PDIA6: variants seen among roughly 807,000 people sequenced by gnomAD.
PDIA6 encodes the protein protein disulfide-isomerase A6.
In PDIA6, 29 loss-of-function variants were observed where a neutral mutation model predicts 58.4. The observed-to-expected ratio is 0.50, with a 90% CI of 0.37 to 0.68. PDIA6 has a LOEUF of 0.68. PDIA6 is among the 30% of genes least tolerant of loss of function. The probability of loss-of-function intolerance (pLI) is 0.00; values close to 1 mark genes in which losing one functional copy is unlikely to be tolerated. For synonymous variants in PDIA6, 192 were observed against 202.6 expected (o/e 0.95, Z 0.44); for missense variants, 480 against 551.0 (o/e 0.87, Z 1.29).
chr2:10,818,602 A>C (rs1411349449), intron 2 of PDIA6, among the ~76,000 whole-genome samples: 2 of 88,268 alleles, frequency 2.3e-5, no homozygotes, highest in African/African-American at 4.0e-5. Flanking sequence ...ACTCACTACA[A>C]CCTCTGCCTC....
chr2:10,817,668 C>G (rs141881847), upstream of PDIA6, among the ~76,000 whole-genome samples: 1 of 152,262 alleles, frequency 6.6e-6, no homozygotes, highest in Non-Finnish European at 1.5e-5. Flanking sequence ...TTCCACCAGG[C>G]GGAATTGTTG....
intron 1 of PDIA6, among the ~76,000 whole-genome samples, chr2:10,804,569 C>G (rs1238373035): frequency 7.7e-6 from 1 of 130,630 alleles, no homozygotes; most frequent in South Asian, 2.7e-4. Context: ...GTTTTGGTTA[C>G]TGTAGCCTTG....
chr2:10,803,085 AAAT>A, intron 1 of PDIA6, among the ~76,000 whole-genome samples: 1 of 152,304 alleles, frequency 6.6e-6, no homozygotes, highest in Middle Eastern at 3.4e-3. Flanking sequence ...ATCTTTATTC[AAAT>A]ATATTTTTGA....
chr2:10,788,382 C>T (rs992387200), intron 10 of PDIA6, among the ~76,000 whole-genome samples: 4 of 151,992 alleles, frequency 2.6e-5, no homozygotes, highest in Admixed American at 2.6e-4. Flanking sequence ...AGGCCGGGTG[C>T]GGTGGCTTAC....
chr2:10,810,916 A>T (rs1666977101), intron 1 of PDIA6, among the ~76,000 whole-genome samples: 1 of 152,116 alleles, frequency 6.6e-6, no homozygotes. Context: ...CATCCGAGTG[A>T]GTGTCTAGAA....
chr2:10,800,277 T>A (rs1666446628), intron 2 of PDIA6, among the ~76,000 whole-genome samples: 1 of 152,200 alleles, frequency 6.6e-6, no homozygotes, highest in Non-Finnish European at 1.5e-5. Context: ...TCCAAAACTT[T>A]CTGAGCGACA....
At chr2:10,803,411 CCT>C (rs1460614000) in intron 1 of PDIA6, among the ~76,000 whole-genome samples, 1 of 152,254 alleles carries the variant, frequency 6.6e-6, no homozygotes, top group Non-Finnish European at 1.5e-5. Flanking sequence ...CCTGCCTCGG[CCT>C]CCCAAAGTGC....
chr2:10,794,021 A>G (rs1666155046), intron 4 of PDIA6, among the ~76,000 whole-genome samples: 1 of 152,200 alleles, frequency 6.6e-6, no homozygotes, highest in Non-Finnish European at 1.5e-5. Flanking sequence ...TAGTCTTTGG[A>G]AGTTCACCAA....
chr2:10,786,798 T>C (rs1276224593), intron 11 of PDIA6, among the ~76,000 whole-genome samples: 2 of 152,200 alleles, frequency 1.3e-5, no homozygotes, highest in African/African-American at 4.8e-5. Context: ...GACAGCTCTG[T>C]ATATTGGTTT....
intron 4 of PDIA6, among the ~76,000 whole-genome samples, chr2:10,794,209 G>T (rs1328527549): frequency 6.6e-6 from 1 of 152,032 alleles, no homozygotes; most frequent in East Asian, 1.9e-4. Context: ...ACTTTGGGAG[G>T]CAGAGGCACG....
rs1558437742 is a variant in PDIA6 at position 10,787,170 on chromosome 2, A to G, written c.1157+111T>C. ...ATTCAATTCTCTGGAATTAGTTTGCATTTTAAATTCCATTTATTACCTGGC... is the reference window on the plus strand; with the variant it reads ...ATTCAATTCTCTGGAATTAGTTTGCGTTTTAAATTCCATTTATTACCTGGC... On this transcript the variant is annotated intron_variant, in intron 11 of 12. Transcript: ENST00000272227. 3.3e-6 allele frequency: 3 copies of G among 911,854 alleles called. No individual in the cohort carries two copies. In the East Asian group the frequency reaches 7.4e-5, roughly 22 times the overall value. The allele number at this position is 911,854 out of a possible 1,614,324, so 56.5% of individuals were successfully genotyped here. A position where few individuals can be genotyped will look rare whatever the true frequency, so the allele number is the denominator to read the frequency against.
At chr2:10,788,579 A>AC (rs1665887914) in intron 10 of PDIA6, 118 bp downstream of exon 10, 4 of 735,860 alleles carry the variant, frequency 5.4e-6, no homozygotes, top group Middle Eastern at 2.6e-4. Context: ...AAAAAAAAAA[A>AC]AAACATATAG....
At chr2:10,811,618 C>A (rs1266172378) in intron 1 of PDIA6, among the ~76,000 whole-genome samples, 2 of 152,202 alleles carry the variant, frequency 1.3e-5, no homozygotes, top group East Asian at 3.8e-4. Flanking sequence ...GGTTAAGTAA[C>A]TTGCTCCAAG....
At chr2:10,814,147 G>A (rs1414677995), upstream of PDIA6, among the ~76,000 whole-genome samples, 3 of 152,194 alleles carry the variant, frequency 2.0e-5, no homozygotes, top group Non-Finnish European at 4.4e-5. Context: ...CCATATTGTA[G>A]TGTGTAAGGC....
At chr2:10,812,816 G>T (rs1337604221), upstream of PDIA6, 3 of 1,186,702 alleles carry the variant, frequency 2.5e-6, no homozygotes, top group African/African-American at 4.8e-5. Flanking sequence ...TCCGAGGGGC[G>T]GCCGCGCGGG....
chr2:10,786,668 T>C (rs1665776651), intron 11 of PDIA6, among the ~76,000 whole-genome samples: 1 of 152,158 alleles, frequency 6.6e-6, no homozygotes, highest in East Asian at 1.9e-4. Flanking sequence ...TGAACATCTC[T>C]TATACAGCAG....
intron 1 of PDIA6, among the ~76,000 whole-genome samples, chr2:10,810,050 T>C (rs1433497716): frequency 6.6e-6 from 1 of 152,204 alleles, no homozygotes; most frequent in Non-Finnish European, 1.5e-5. Context: ...CTGAGATACC[T>C]GTCACACTAT....
At chr2:10,819,905 G>A (rs964108125) in intron 1 of PDIA6, among the ~76,000 whole-genome samples, 17 of 152,212 alleles carry the variant, frequency 1.1e-4, no homozygotes, top group South Asian at 2.1e-4. Flanking sequence ...AGTGATCCGA[G>A]AAGCCCGCCT....
chr2:10,812,684 C>T lies in PDIA6; in HGVS notation c.13G>A (p.Val5Met). The T allele has an allele frequency of 6.5e-7, 1 of 1,534,472 alleles. No individual in the cohort carries two copies. The highest frequency in any genetic ancestry group is 8.7e-7 in the Non-Finnish European group (1 of 1,143,122). MALL[V>M]LGLVSCTFFL... ...TCCGCTGGCCCGCACCTACCGAGCA[C>T]CAGGAGAGCCATGCCGAGCGCCGGG... The change falls in exon 1 of 13, where the codon GTG becomes ATG. Residue 5 changes from valine to methionine, a missense_variant. Coordinates refer to ENST00000272227, the MANE Select transcript of PDIA6 (RefSeq NM_005742.4).
Sources: allele counts gnomAD v4.1 joint callset (sites outside exome capture counted in the v4.1 genomes callset), GRCh38; gene constraint gnomAD v4.1.1; transcripts MANE v1.5; gene names NCBI Gene and HGNC (gene_info 2026-07-23, HGNC 2026-07-21).